Variants in ESS2 observed in about 807,000 individuals in gnomAD.
ESS2 encodes the protein splicing factor ESS-2 homolog.
Under a neutral mutation model 52.0 loss-of-function variants are expected in ESS2, and 31 were observed. The observed-to-expected ratio is 0.60, with a 90% CI of 0.45 to 0.81. ESS2 has a LOEUF of 0.81. Ranked by LOEUF, ESS2 falls within the 30% of genes least tolerant of loss-of-function variation. The pLI, the probability that ESS2 is intolerant of heterozygous loss-of-function variation, is 0.00. For synonymous variants in ESS2, 285 were observed against 259.2 expected, an observed-to-expected ratio of 1.10 and a Z score of -0.95; for missense variants, 602 against 637.2, an observed-to-expected ratio of 0.94 and a Z score of 0.59.
In ESS2 at chr22:19,142,551, T is replaced by C. The variant is rs202084277; in HGVS notation, c.387A>G (p.Arg129=). Residue 129 remains arginine, a synonymous_variant, in exon 3 of 10, where the codon CGA becomes CGG. Transcript: ENST00000252137. ...VVGNKPRPRG[R]GLEDGEAGEE... is the part of the protein sequence containing the mutation. Reference sequence around the variant, plus strand: ...ACCCTCACTCACCATCCTCCAGGCCTCGGCCGCGGGGCCTGGGCTTGTTGC... The same window carrying C: ...ACCCTCACTCACCATCCTCCAGGCCCCGGCCGCGGGGCCTGGGCTTGTTGC... 16 of 1,607,070 alleles carry C rather than the reference T, an allele frequency of 1.0e-5. No homozygotes were observed. In the Admixed American group the frequency reaches 2.2e-4, roughly 22 times the overall value.
chr22:19,137,837 C>A (rs981328830), intron 7 of ESS2: 2 of 985,404 alleles, frequency 2.0e-6, no homozygotes, highest in Non-Finnish European at 2.4e-6. Flanking sequence ...GGGACACCCA[C>A]GCATGCCACA....
At chr22:19,140,598 C>T (rs542825142) in intron 3 of ESS2, among the ~76,000 whole-genome samples, 1 of 152,102 alleles carries the variant, frequency 6.6e-6, no homozygotes, top group Non-Finnish European at 1.5e-5. Context: ...CCAAACACCC[C>T]CCCCTCCGAC....
At chr22:19,140,180 T>C (rs1331289381) in intron 3 of ESS2, among the ~76,000 whole-genome samples, 156 bp from the exon 4 acceptor site, 1 of 152,084 alleles carries the variant, frequency 6.6e-6, no homozygotes, top group Non-Finnish European at 1.5e-5. Flanking sequence ...TGCCAAGGAC[T>C]CCCCACGGGG....
intron 5 of ESS2, 79 bp downstream of exon 5, chr22:19,139,533 G>C (rs775904825): frequency 4.0e-5 from 57 of 1,427,016 alleles, no homozygotes; most frequent in Non-Finnish European, 5.4e-5. Flanking sequence ...TACACACCTG[G>C]AAGGCTGCTC....
chr22:19,135,262 C>CCAGCCTCT, intron 8 of ESS2, 87 bp from the exon 9 acceptor site: 1 of 1,069,932 alleles, frequency 9.3e-7, no homozygotes, highest in African/African-American at 1.6e-5. Context: ...GTGGTGGGTG[C>CCAGCCTCT]CAGCCTCTCT....
rs1431084527 is a variant in ESS2 at position 19,130,920 on chromosome 22, G to C, written c.*3276C>G. 5.3e-6 allele frequency: 1 copy of C among 190,140 alleles called. No homozygotes were observed. Among genetic ancestry groups the C allele is most frequent in the Admixed American group, 5.4e-5 (1 of 18,494 alleles). 11.8% of individuals were successfully genotyped at this position (190,140 alleles called of 1,614,324 possible). A position where few individuals can be genotyped will look rare whatever the true frequency, so the allele number is the denominator to read the frequency against. On this transcript the variant is annotated 3_prime_UTR_variant, in exon 10 of 10. Coordinates refer to ENST00000252137, the MANE Select transcript of ESS2 (RefSeq NM_022719.3). ...CTACCACACCAAGGACACAGCCCTG[G>C]GGGTGCTTTTCTTCATAGCCAAAGA...
chr22:19,140,948 A>T (rs1306933259), intron 3 of ESS2, among the ~76,000 whole-genome samples: 1 of 152,188 alleles, frequency 6.6e-6, no homozygotes, highest in Non-Finnish European at 1.5e-5. Context: ...TCTGAAAAGG[A>T]TTCCTATATT....
Position 19,134,039 on chromosome 22 carries a change from G to T in ESS2, c.*157C>A. ...GTGTGGGCACGAGTGCCTTGTGCCA[G>T]TCTGGCCCCAGCACAGCCCCTTTCT... On this transcript the variant is annotated 3_prime_UTR_variant, in exon 10 of 10. Transcript: ENST00000252137. 1 of 921,372 alleles carries T rather than the reference G, an allele frequency of 1.1e-6. No homozygotes were observed. The highest frequency in any genetic ancestry group is 1.5e-6 in the Non-Finnish European group (1 of 687,480). 57.1% of individuals were successfully genotyped at this position (921,372 alleles called of 1,614,324 possible).
chr22:19,139,008 C>T (rs564827818), intron 6 of ESS2, 151 bp downstream of exon 6: 412 of 1,112,552 alleles, frequency 3.7e-4, no homozygotes, highest in Non-Finnish European at 4.7e-4. Flanking sequence ...CCACTGGGGC[C>T]AAGGAAAGAC....
Position 19,131,510 on chromosome 22 carries a change from T to C in ESS2, c.*2686A>G, listed in dbSNP as rs756268831. 7.4e-6 allele frequency: 12 copies of C among 1,614,034 alleles called. No homozygotes were observed. Among genetic ancestry groups the C allele is most frequent in the East Asian group, 2.2e-5 (1 of 44,884 alleles). ...CCTACTCTGAGCGCCTCAAGTTCAA[T>C]GTGGCTGTCAAGATCATCGACCGCA... On this transcript the variant is annotated 3_prime_UTR_variant, in exon 10 of 10. Coordinates refer to ENST00000252137, the MANE Select transcript of ESS2 (RefSeq NM_022719.3). The surrounding 1 kb of genome is among the most constrained non-coding windows in gnomAD (Gnocchi z 5.7).
Position 19,142,844 on chromosome 22 carries a change from G to A in ESS2, c.186C>T (p.Leu62=). Residue 62 remains leucine, a synonymous_variant, in exon 2 of 10, where the codon CTC becomes CTT. Transcript: ENST00000252137. The stretch of plus-strand genomic sequence containing the variant: ...CTTCCAGGTACTCCTTCTGTGCCTG[G>A]AGCTTCTCCACATCAGGAAAGAAAT... ...QRDFFPDVEK[L]QAQKEYLEAE... is the part of the protein sequence containing the mutation. 1 of 1,614,090 alleles carries A rather than the reference G, an allele frequency of 6.2e-7. No homozygotes were observed. Among genetic ancestry groups the A allele is most frequent in the Non-Finnish European group, 8.5e-7 (1 of 1,180,032 alleles).
rs938268418 is a variant in ESS2, at chr22:19,141,578, A to C, written c.400+960T>G. 2.0e-5 allele frequency among the ~76,000 whole-genome samples: 3 copies of C among 152,346 alleles called. No individual in the cohort carries two copies. In the East Asian group the frequency reaches 5.8e-4, roughly 29 times the overall value. On this transcript the variant is annotated intron_variant, in intron 3 of 9. Coordinates refer to ENST00000252137, the MANE Select transcript of ESS2 (RefSeq NM_022719.3). ...CATGTGTATCTGTGCAAGGCCCACA[A>C]CACCACATGTGCTGTTCCCAACACG...
At chr22:19,136,031 T>TA (rs377121962) in intron 8 of ESS2, among the ~76,000 whole-genome samples, 5,263 of 92,440 alleles carry the variant, frequency 0.057, 213 homozygotes, top group Middle Eastern at 0.15. Flanking sequence ...CCCTATCTGT[T>TA]AAAAAAAAAA....
At chr22:19,137,790 G>C in intron 7 of ESS2, 1 of 985,390 alleles carries the variant, frequency 1.0e-6, no homozygotes, top group Non-Finnish European at 1.2e-6. Flanking sequence ...GTGTGACACA[G>C]CACCAGCACC....
intron 8 of ESS2, 38 bp downstream of exon 8, chr22:19,137,285 C>A: frequency 6.7e-7 from 1 of 1,488,926 alleles, no homozygotes; most frequent in Non-Finnish European, 9.3e-7. Context: ...GAGGTGTCCA[C>A]CCCGGTCGCA....
At position 19,133,325 on chromosome 22, in the gene ESS2, C is replaced by G. The variant is rs1383601946; in HGVS notation, c.*871G>C. 1 of 152,496 alleles carries G rather than the reference C, an allele frequency of 6.6e-6. No individual in the cohort carries two copies. The highest frequency in any genetic ancestry group is 1.5e-5 in the Non-Finnish European group (1 of 68,248). The allele number at this position is 152,496 out of a possible 1,614,324, so 9.4% of individuals were successfully genotyped here. On this transcript the variant is annotated 3_prime_UTR_variant, in exon 10 of 10. Coordinates refer to ENST00000252137, the MANE Select transcript of ESS2 (RefSeq NM_022719.3). Reference sequence around the variant, plus strand: ...CTTCCTGGGGGCTCCCTTGGGATAACGTGCACCCTTTCCTAGGGGATAAAG... The same window carrying G: ...CTTCCTGGGGGCTCCCTTGGGATAAGGTGCACCCTTTCCTAGGGGATAAAG...
intron 9 of ESS2, 88 bp downstream of exon 9, chr22:19,134,972 C>A: frequency 1.6e-6 from 2 of 1,286,228 alleles, no homozygotes; most frequent in South Asian, 2.5e-5. Context: ...GCCGCGTGGG[C>A]CATGCCTCCA....
In ESS2 at chr22:19,134,261, G is replaced by C; in HGVS notation, c.1366C>G (p.Pro456Ala). ...AGCAGGTTGTCCGTGATGGAGGCCG[G>C]GTCCTGTGTGAGAGGGGTGCGTGTG... ...SATRTPLTQD[P>A]ASITDNLLQL... Residue 456 changes from proline (P) to alanine (A), a missense_variant, in exon 10 of 10, where the codon CCG becomes GCG. Coordinates refer to ENST00000252137, the MANE Select transcript of ESS2 (RefSeq NM_022719.3). 6.3e-7 allele frequency: 1 copy of C among 1,576,192 alleles called. No individual in the cohort carries two copies. The highest frequency in any genetic ancestry group is 8.6e-7 in the Non-Finnish European group (1 of 1,158,516).
chr22:19,137,457 C>T lies in ESS2; in HGVS notation c.926-25G>A, dbSNP rs779598416. 3.6e-5 allele frequency: 57 copies of T among 1,582,274 alleles called. No homozygotes were observed. In the Admixed American group the frequency reaches 4.9e-4, roughly 14 times the overall value. On this transcript the variant is annotated intron_variant, in intron 7 of 9. Transcript: ENST00000252137. ...CCTGCAGACAAAGAGCCCAAAACCA[C>T]CTCAGGCCAGAGGACTCCCCACCAC...
Sources: gnomAD v4.1 joint callset for allele counts (sites outside exome capture counted in the v4.1 genomes callset) on GRCh38, gnomAD v4.1.1 for gene constraint, Gnocchi (gnomAD v3.1) non-coding constraint, MANE v1.5 for transcripts, NCBI Gene and HGNC (gene_info 2026-07-23, HGNC 2026-07-21) for gene names.